Variants in FHOD3 observed in about 807,000 individuals in gnomAD.
FHOD3 encodes the protein FH1/FH2 domain-containing protein 3.
In FHOD3, 90 loss-of-function variants were observed where a neutral mutation model predicts 173.0. The observed-to-expected ratio is 0.52, with a 90% CI of 0.44 to 0.62. The LOEUF (loss-of-function observed/expected upper bound fraction) is 0.62, where lower values mean the gene tolerates loss of function less well. Among genes scored for constraint, FHOD3 ranks in the 20% least tolerant of loss-of-function variants. The pLI, the probability that FHOD3 is intolerant of heterozygous loss-of-function variation, is 0.00. For synonymous variants in FHOD3, 828 were observed against 823.0 expected, an observed-to-expected ratio of 1.01 and a Z score of -0.10; for missense variants, 1,945 against 2,034.7, an observed-to-expected ratio of 0.96 and a Z score of 0.85.
rs140207865 is a variant in FHOD3 at position 36,405,643 on chromosome 18, G to A, written c.337+32899G>A. Among the ~76,000 whole-genome samples the A allele has an allele frequency of 5.7e-4, 87 of 152,276 alleles. 1 individual carries two copies. The highest frequency in any genetic ancestry group is 2.0e-3 in the African/African-American group (84 of 41,552). Reference sequence around the variant, plus strand: ...AAAACAGAAATGGAATAAAGCTAAGGACCAATGTTTATAGAACTCAGGATG... The same window carrying A: ...AAAACAGAAATGGAATAAAGCTAAGAACCAATGTTTATAGAACTCAGGATG... On this transcript the variant is annotated intron_variant, in intron 3 of 28. Transcript: ENST00000590592.
At chr18:36,372,265 T>C (rs2047228978) in intron 2 of FHOD3, among the ~76,000 whole-genome samples, 1 of 152,324 alleles carries the variant, frequency 6.6e-6, no homozygotes, top group South Asian at 2.1e-4. Context: ...CCATGATGTG[T>C]TCCCTTTTCC....
chr18:36,330,674 G>A (rs2044947634), intron 1 of FHOD3, among the ~76,000 whole-genome samples: 1 of 152,196 alleles, frequency 6.6e-6, no homozygotes, highest in African/African-American at 2.4e-5. Context: ...GAGGTAGGCA[G>A]GGTGACTTGG....
intron 3 of FHOD3, among the ~76,000 whole-genome samples, chr18:36,418,433 G>A (rs56408384): frequency 0.39 from 59,148 of 152,000 alleles, 12,117 homozygotes; most frequent in African/African-American, 0.51. Context: ...GATATTCCAC[G>A]TTAGTTTGAA....
chr18:36,483,815 G>A (rs750687889), intron 3 of FHOD3, among the ~76,000 whole-genome samples: 15 of 152,186 alleles, frequency 9.9e-5, no homozygotes, highest in African/African-American at 2.7e-4. Context: ...AGCAGATGTC[G>A]ATAGCAGGAT....
In FHOD3 at chr18:36,775,718, C is replaced by G. The variant is rs114896097; in HGVS notation, c.4787-3730C>G. Among the ~76,000 whole-genome samples the G allele has an allele frequency of 3.7e-3, 569 of 152,216 alleles. 4 individuals are homozygous for G. The highest frequency in any genetic ancestry group is 0.012 in the African/African-American group (512 of 41,524). Reference sequence around the variant, plus strand: ...GAAGAAAAAGAACTTGGGTGTTTTTCCTGAGTCCCCAGACAGTCCTGTGCT... The same window carrying G: ...GAAGAAAAAGAACTTGGGTGTTTTTGCTGAGTCCCCAGACAGTCCTGTGCT... On this transcript the variant is annotated intron_variant, in intron 28 of 28. Transcript: ENST00000590592.
At chr18:36,657,435 C>T (rs915289163) in intron 13 of FHOD3, among the ~76,000 whole-genome samples, 7 of 152,200 alleles carry the variant, frequency 4.6e-5, no homozygotes, top group African/African-American at 1.2e-4. Context: ...ACTTGTCAGA[C>T]ATGTCTGGAA....
At chr18:36,640,163 T>A (rs751361311) in intron 10 of FHOD3, among the ~76,000 whole-genome samples, 4 of 152,214 alleles carry the variant, frequency 2.6e-5, no homozygotes, top group Non-Finnish European at 5.9e-5. Context: ...TCCTAAACTT[T>A]GCATGCTACA....
At chr18:36,318,300 T>A (rs970560762) in intron 1 of FHOD3, among the ~76,000 whole-genome samples, 1 of 152,250 alleles carries the variant, frequency 6.6e-6, no homozygotes, top group Admixed American at 6.5e-5. Flanking sequence ...GCACTGAATC[T>A]ATAAATTACT....
intron 20 of FHOD3, among the ~76,000 whole-genome samples, chr18:36,731,006 C>A (rs528665491): frequency 1.3e-5 from 2 of 152,158 alleles, no homozygotes; most frequent in Non-Finnish European, 2.9e-5. Context: ...AATCTTCACT[C>A]AGGTTCATTT....
chr18:36,610,155 T>C (rs1386048099), intron 8 of FHOD3, among the ~76,000 whole-genome samples: 1 of 152,176 alleles, frequency 6.6e-6, no homozygotes, highest in Non-Finnish European at 1.5e-5. Context: ...CGCTGCTGTG[T>C]AGGAAGTTTT....
chr18:36,726,281 C>G (rs904941201), intron 19 of FHOD3, among the ~76,000 whole-genome samples: 2 of 152,048 alleles, frequency 1.3e-5, no homozygotes, highest in Admixed American at 1.3e-4. Context: ...TTTTATTACT[C>G]TCAAGAAAAT....
chr18:36,534,422 G>A (rs2056909532), intron 5 of FHOD3, among the ~76,000 whole-genome samples: 1 of 151,922 alleles, frequency 6.6e-6, no homozygotes, highest in South Asian at 2.1e-4. Context: ...GAGAGGAACT[G>A]GTCCCCAACA....
intron 14 of FHOD3, among the ~76,000 whole-genome samples, chr18:36,674,833 G>A (rs1252847214): frequency 6.6e-6 from 1 of 152,110 alleles, no homozygotes; most frequent in Non-Finnish European, 1.5e-5. Flanking sequence ...TAAGTTCTGG[G>A]ATAAGATGTC....
intron 1 of FHOD3, among the ~76,000 whole-genome samples, chr18:36,299,766 G>A (rs8095019): frequency 0.33 from 50,300 of 151,986 alleles, 9,208 homozygotes; most frequent in East Asian, 0.56. Flanking sequence ...AACAGAACCA[G>A]AAGTGGTTCT....
At chr18:36,509,966 G>C (rs1424711457) in intron 4 of FHOD3, among the ~76,000 whole-genome samples, 1 of 152,216 alleles carries the variant, frequency 6.6e-6, no homozygotes, top group Non-Finnish European at 1.5e-5. Flanking sequence ...CTCCACCACA[G>C]GGCAGCGATG....
At chr18:36,569,592 T>A (rs753204678) in intron 5 of FHOD3, among the ~76,000 whole-genome samples, 1 of 152,124 alleles carries the variant, frequency 6.6e-6, no homozygotes, top group Non-Finnish European at 1.5e-5. Context: ...ATAGTTCTAA[T>A]TGACATCTTT....
At position 36,709,249 on chromosome 18, in the gene FHOD3, A is replaced by C; in HGVS notation, c.2391A>C (p.Glu797Asp). The C allele has an allele frequency of 6.2e-7, 1 of 1,614,208 alleles. No homozygotes were observed. The change falls in exon 18 of 29, where the codon GAA (glutamate) becomes GAC (aspartate). Residue 797 changes from glutamate to aspartate, a missense_variant. Physicochemically the swap from Glu to Asp is conservative, Grantham distance 45. Around this residue, in one of 5 missense-constraint regions of FHOD3, gnomAD observed 1,099 missense variants for 1,051.2 expected, o/e 1.05. Coordinates refer to ENST00000590592, the MANE Select transcript of FHOD3 (RefSeq NM_001281740.3). ...VEQALEQEPE[E>D]RASLSEKERQ... ...AGGCACTAGAGCAAGAGCCGGAAGA[A>C]AGAGCCTCCCTCAGTGAAAAAGAGA...
At chr18:36,427,803 A>G (rs2050329067) in intron 3 of FHOD3, among the ~76,000 whole-genome samples, 1 of 152,264 alleles carries the variant, frequency 6.6e-6, no homozygotes, top group Admixed American at 6.5e-5. Context: ...TGATTCCACA[A>G]AAATGTGATA....
intron 3 of FHOD3, among the ~76,000 whole-genome samples, chr18:36,455,945 G>A (rs1364275699): frequency 1.3e-5 from 2 of 152,106 alleles, no homozygotes; most frequent in Admixed American, 6.5e-5. Context: ...GAATCTCTTG[G>A]ATGCCGCCCC....
Sources: allele counts gnomAD v4.1 joint callset (sites outside exome capture counted in the v4.1 genomes callset), GRCh38; gene constraint gnomAD v4.1.1; regional missense constraint gnomAD v4.1.1; transcripts MANE v1.5; gene names NCBI Gene and HGNC (gene_info 2026-07-23, HGNC 2026-07-21).